Variants in BCO2 observed in about 807,000 individuals in gnomAD.
The protein encoded by BCO2 is beta-carotene oxygenase 2, also known as carotenoid-cleaving dioxygenase, mitochondrial.
Under a neutral mutation model 65.8 loss-of-function variants are expected in BCO2, and 56 were observed. The ratio of observed to expected loss-of-function variants is 0.85; its 90% CI spans 0.69 to 1.06. BCO2 has a LOEUF of 1.06. BCO2 is among the 50% of genes least tolerant of loss of function. The pLI is 0.00. For missense variants in BCO2, 675 were observed against 698.5 expected (o/e 0.97, Z 0.38); for synonymous variants, 233 against 242.3 (o/e 0.96, Z 0.36).
intron 2 of BCO2, among the ~76,000 whole-genome samples, chr11:112,183,933 T>C (rs193117617): frequency 6.6e-6 from 1 of 152,326 alleles, no homozygotes; most frequent in African/African-American, 2.4e-5. Context: ...CACTTACAAA[T>C]GAGAATTTCT....
intron 2 of BCO2, chr11:112,180,980 T>C (rs761923025): frequency 6.0e-5 from 77 of 1,282,668 alleles, no homozygotes; most frequent in Non-Finnish European, 7.3e-5. Context: ...AGGAGAGCCA[T>C]TTATTGATCC....
rs902597800 is a variant in BCO2 at position 112,181,406 on chromosome 11, C to A, written c.293+1924C>A. ...CCGTTTTAGCTGGGATGGTCTCGAT[C>A]TCCTGACCTCGTGATCCGCCCGCCT... On this transcript the variant is annotated intron_variant, in intron 2 of 11. Transcript: ENST00000357685. 3 of 582,526 alleles carry A rather than the reference C, an allele frequency of 5.1e-6. No individual in the cohort carries two copies. In the Admixed American group the frequency reaches 7.5e-5, roughly 15 times the overall value. 36.1% of individuals were successfully genotyped at this position (582,526 alleles called of 1,614,324 possible).
At chr11:112,215,520 C>T (rs145852976) in intron 10 of BCO2, 2,192 of 155,002 alleles carry the variant, frequency 0.014, 54 homozygotes, top group African/African-American at 0.05. Flanking sequence ...ACCATCCTGG[C>T]CAACACGGTG....
At chr11:112,211,352 A>ACACACACT (rs147391427) in intron 8 of BCO2, among the ~76,000 whole-genome samples, 13,422 of 148,902 alleles carry the variant, frequency 0.09, 910 homozygotes, top group East Asian at 0.17. Context: ...ACACACACAC[A>ACACACACT]ATATTTGTTT....
At chr11:112,192,620 T>C (rs777533009) in intron 2 of BCO2, among the ~76,000 whole-genome samples, 31 of 151,708 alleles carry the variant, frequency 2.0e-4, no homozygotes, top group Non-Finnish European at 4.0e-4. Flanking sequence ...TTAATACATA[T>C]AAGATATGAA....
At chr11:112,201,873 C>A in intron 7 of BCO2, 150 bp from the exon 8 acceptor site, 1 of 552,558 alleles carries the variant, frequency 1.8e-6, no homozygotes, top group Non-Finnish European at 3.0e-6. Flanking sequence ...ATTCTGTATT[C>A]TACTTTTATA....
At chr11:112,180,811 G>C (rs1298010046) in intron 2 of BCO2, 3 of 1,036,764 alleles carry the variant, frequency 2.9e-6, no homozygotes, top group Non-Finnish European at 4.6e-6. Flanking sequence ...GCAGCCCCAA[G>C]AACGGAAAGG....
intron 8 of BCO2, among the ~76,000 whole-genome samples, chr11:112,206,403 C>T (rs1244950975): frequency 3.3e-5 from 5 of 152,322 alleles, no homozygotes; most frequent in South Asian, 2.1e-4. Context: ...GGGCGGCGGC[C>T]GGCTTTTCCC....
intron 1 of BCO2, among the ~76,000 whole-genome samples, chr11:112,178,746 A>G (rs1866950111): frequency 6.6e-6 from 1 of 152,226 alleles, no homozygotes; most frequent in Non-Finnish European, 1.5e-5. Context: ...ATTTTCATGT[A>G]TATGCCATTA....
intron 2 of BCO2, among the ~76,000 whole-genome samples, chr11:112,192,324 C>G (rs1867413932): frequency 1.3e-5 from 2 of 152,152 alleles, no homozygotes; most frequent in African/African-American, 4.8e-5. Flanking sequence ...AATTTCCCCT[C>G]TTACCTCTTA....
intron 2 of BCO2, among the ~76,000 whole-genome samples, chr11:112,191,554 A>G (rs1338914339): frequency 6.6e-6 from 1 of 152,208 alleles, no homozygotes; most frequent in Non-Finnish European, 1.5e-5. Context: ...TCCTGAATCA[A>G]TTTATAAATC....
rs1307317265 is a variant in BCO2, at chr11:112,214,777, GA to G, written c.1352del (p.Asn451IlefsTer7). On this transcript the variant is annotated frameshift_variant, in exon 10 of 12. Coordinates refer to ENST00000357685, the MANE Select transcript of BCO2 (RefSeq NM_031938.7). LOFTEE classifies it high-confidence loss of function. ...TCTCTTTTAGATCTGGTGCTCTCAT[GA>G]AAATCTACATCAGGAGGACCTAGAA... is the stretch of plus-strand genomic sequence containing the variant. ...QADGTIWCSH[E>X]NLHQEDLEKE... 12 of 1,613,430 alleles carry G rather than the reference GA, an allele frequency of 7.4e-6. No homozygotes were observed. Among genetic ancestry groups the G allele is most frequent in the Non-Finnish European group, 1.0e-5 (12 of 1,179,450 alleles).
chr11:112,213,776 A>G lies in BCO2; in HGVS notation c.1247A>G (p.Asn416Ser), dbSNP rs1299328459. 6.2e-7 allele frequency: 1 copy of G among 1,613,522 alleles called. No homozygotes were observed. Among genetic ancestry groups the G allele is most frequent in the Non-Finnish European group, 8.5e-7 (1 of 1,179,760 alleles). The change falls in exon 9 of 12, where the codon AAT becomes AGT. Residue 416 changes from asparagine to serine, a missense_variant. Coordinates refer to ENST00000357685, the MANE Select transcript of BCO2 (RefSeq NM_031938.7). ...SFPRRFVLPLNVSLNAPEGDN... is the reference protein window; with the variant it reads ...SFPRRFVLPLSVSLNAPEGDN... ...CCTCGAAGGTTTGTTTTGCCTTTAA[A>G]TGTCAGTTTGAATGCCCCTGAGGGA...
chr11:112,196,861 C>A (rs1350438255), intron 5 of BCO2, among the ~76,000 whole-genome samples: 1 of 151,024 alleles, frequency 6.6e-6, no homozygotes, highest in Non-Finnish European at 1.5e-5. Flanking sequence ...CCTTCCTTTC[C>A]TCCTCCTCCT....
intron 2 of BCO2, chr11:112,179,840 T>G: frequency 3.9e-6 from 1 of 259,034 alleles, no homozygotes; most frequent in Non-Finnish European, 7.6e-6. Flanking sequence ...ACACATGGTC[T>G]TTTTCAGTTC....
At chr11:112,184,705 A>G (rs1480416175) in intron 2 of BCO2, among the ~76,000 whole-genome samples, 2 of 152,038 alleles carry the variant, frequency 1.3e-5, no homozygotes, top group Non-Finnish European at 2.9e-5. Context: ...TTTTTTAAAC[A>G]AATTTTAGCC....
chr11:112,179,059 C>CA (rs975924065), intron 1 of BCO2, among the ~76,000 whole-genome samples: 3 of 152,030 alleles, frequency 2.0e-5, no homozygotes, highest in Admixed American at 6.5e-5. Context: ...ATTAGTACTA[C>CA]AAAAAATAGA....
At chr11:112,193,196 T>C (rs1867451057) in intron 2 of BCO2, among the ~76,000 whole-genome samples, 1 of 151,706 alleles carries the variant, frequency 6.6e-6, no homozygotes, top group Non-Finnish European at 1.5e-5. Context: ...GCCAGGACGG[T>C]CTTGATCTCC....
chr11:112,195,128 T>C (rs1485992422), intron 5 of BCO2, among the ~76,000 whole-genome samples: 1 of 152,154 alleles, frequency 6.6e-6, no homozygotes, highest in Non-Finnish European at 1.5e-5. Flanking sequence ...TATTTCACCA[T>C]TCTAAACTAC....
Sources: allele counts gnomAD v4.1 joint callset (sites outside exome capture counted in the v4.1 genomes callset), GRCh38; gene constraint gnomAD v4.1.1; transcripts MANE v1.5; gene names NCBI Gene and HGNC (gene_info 2026-07-23, HGNC 2026-07-21).